The following RAB40B variants were observed in gnomAD, a reference collection of about 807,000 sequenced individuals.
The protein encoded by RAB40B is ras-related protein Rab-40B.
Under a neutral mutation model 24.0 loss-of-function variants are expected in RAB40B, and 21 were observed. The observed-to-expected ratio is 0.88, with a 90% confidence interval of 0.62 to 1.26. The LOEUF is 1.26. RAB40B is among the 50% of genes most tolerant of loss of function. The probability of loss-of-function intolerance (pLI) is 0.00; values close to 1 mark genes in which losing one functional copy is unlikely to be tolerated. For missense variants in RAB40B, 348 were observed against 390.5 expected (o/e 0.89, Z 0.92); for synonymous variants, 167 against 169.8 (o/e 0.98, Z 0.13).
At position 82,667,268 on chromosome 17, in the gene RAB40B, G is replaced by A. The variant is rs547846011; in HGVS notation, c.143-2712C>T. Among the ~76,000 whole-genome samples, 115 of 152,366 alleles carry A rather than the reference G, an allele frequency of 7.5e-4. No homozygotes were observed. The highest frequency in any genetic ancestry group is 2.7e-3 in the African/African-American group (111 of 41,592). On this transcript the variant is annotated intron_variant, in intron 1 of 5. Coordinates refer to ENST00000571995, the MANE Select transcript of RAB40B (RefSeq NM_006822.3). This position sits in a 1 kb window ranked among gnomAD's most constrained non-coding sequence, Gnocchi z 4.3. ...TTCCTGGTCTCCTGTCGGGCAGAGC[G>A]AGGTGTGCAGTGGCGGTGCCACCGG... is the stretch of plus-strand genomic sequence containing the variant.
intron 1 of RAB40B, among the ~76,000 whole-genome samples, chr17:82,684,552 GGTGGGTGATGGACT>G (rs1292934146): frequency 1.3e-5 from 2 of 152,160 alleles, no homozygotes; most frequent in African/African-American, 4.8e-5. Flanking sequence ...TCAGAGGGTG[GGTGGGTGATGGACT>G]GTGGTTCATC....
At position 82,670,359 on chromosome 17, in the gene RAB40B, A is replaced by G. The variant is rs184384718; in HGVS notation, c.143-5803T>C. On this transcript the variant is annotated intron_variant, in intron 1 of 5. Coordinates refer to ENST00000571995, the MANE Select transcript of RAB40B (RefSeq NM_006822.3). ...GCCAGCAAGCCAAGCTAATTTGTGTACTTTTAGTAGACACGGGGTTTTACC... is the reference window on the plus strand; with the variant it reads ...GCCAGCAAGCCAAGCTAATTTGTGTGCTTTTAGTAGACACGGGGTTTTACC... Among the ~76,000 whole-genome samples the G allele has an allele frequency of 9.2e-3, 1,394 of 151,716 alleles. 9 individuals carry two copies. Among genetic ancestry groups the G allele is most frequent in the Middle Eastern group, 0.02 (6 of 294 alleles).
chr17:82,668,695 G>T (rs558682136), intron 1 of RAB40B, among the ~76,000 whole-genome samples: 2 of 152,242 alleles, frequency 1.3e-5, no homozygotes, highest in African/African-American at 4.8e-5. Context: ...GGCATTTGGA[G>T]CAGGCACTTC....
intron 1 of RAB40B, among the ~76,000 whole-genome samples, chr17:82,669,332 G>A (rs932223782): frequency 5.3e-5 from 8 of 152,060 alleles, no homozygotes; most frequent in Admixed American, 1.3e-4. Flanking sequence ...GAAATTAGCC[G>A]GGCGTGGTGG....
At chr17:82,669,344 G>C (rs540718485) in intron 1 of RAB40B, among the ~76,000 whole-genome samples, 3 of 152,086 alleles carry the variant, frequency 2.0e-5, no homozygotes, top group East Asian at 1.9e-4. Context: ...GCGTGGTGGC[G>C]GGTGCCTGTA....
chr17:82,685,971 T>G (rs1254341931), intron 1 of RAB40B, among the ~76,000 whole-genome samples: 1 of 151,950 alleles, frequency 6.6e-6, no homozygotes, highest in Non-Finnish European at 1.5e-5. Context: ...ACCCAGCTAA[T>G]TTTTGTATTT....
At chr17:82,668,545 C>T (rs768900432) in intron 1 of RAB40B, among the ~76,000 whole-genome samples, 4 of 152,268 alleles carry the variant, frequency 2.6e-5, no homozygotes, top group Non-Finnish European at 2.9e-5. Flanking sequence ...CGCCCAGTCC[C>T]GAGGGGGCTG....
At chr17:82,689,304 G>A (rs541269674) in intron 1 of RAB40B, among the ~76,000 whole-genome samples, 18 of 152,256 alleles carry the variant, frequency 1.2e-4, no homozygotes, top group Non-Finnish European at 2.9e-5. Flanking sequence ...CTGCACCACG[G>A]TGGTGCCTGG....
At chr17:82,680,859 G>A (rs750230119) in intron 1 of RAB40B, among the ~76,000 whole-genome samples, 26 of 151,752 alleles carry the variant, frequency 1.7e-4, no homozygotes, top group Admixed American at 4.6e-4. Flanking sequence ...GTGAAACCCC[G>A]TCTCTACTAA....
chr17:82,661,034 G>C lies in RAB40B; in HGVS notation c.217C>G (p.Gln73Glu). ...CGGAATATGGTACAAAATCTTCCCTGGCCTGAAGTATCCCTGGAAAAGATG... is the reference window on the plus strand; with the variant it reads ...CGGAATATGGTACAAAATCTTCCCTCGCCTGAAGTATCCCTGGAAAAGATG... ...VKLQLWDTSG[Q>E]GRFCTIFRSY... Residue 73 changes from glutamine (Q) to glutamate (E), a missense_variant, in exon 3 of 6, where the codon CAG (glutamine) becomes GAG (glutamate). Physicochemically the swap from Gln to Glu is conservative, Grantham distance 29 (BLOSUM62 2). This residue lies in a region of RAB40B where 126 missense variants were observed against 181.0 expected (regional missense o/e 0.70). Coordinates refer to ENST00000571995, the MANE Select transcript of RAB40B (RefSeq NM_006822.3). 6.2e-7 allele frequency: 1 copy of C among 1,613,972 alleles called. No individual in the cohort carries two copies. Among genetic ancestry groups the C allele is most frequent in the Non-Finnish European group, 8.5e-7 (1 of 1,179,950 alleles).
intron 1 of RAB40B, among the ~76,000 whole-genome samples, chr17:82,686,595 G>T (rs2046504630): frequency 1.3e-5 from 2 of 152,182 alleles, no homozygotes; most frequent in Admixed American, 1.3e-4. Context: ...ACAGAACGCC[G>T]AGGGCTGCCA....
chr17:82,695,128 G>A (rs2046595257), intron 1 of RAB40B, among the ~76,000 whole-genome samples: 1 of 151,466 alleles, frequency 6.6e-6, no homozygotes, highest in Non-Finnish European at 1.5e-5. Context: ...CAAAACTCAG[G>A]AGGAATTGGG....
At chr17:82,662,650 G>A (rs1598296026) in intron 2 of RAB40B, 1 of 985,434 alleles carries the variant, frequency 1.0e-6, no homozygotes, top group East Asian at 1.1e-4. Flanking sequence ...AGTGTGGACA[G>A]AGCTGGCACC....
At chr17:82,694,552 CACACACAT>C (rs2046589446) in intron 1 of RAB40B, among the ~76,000 whole-genome samples, 1 of 143,092 alleles carries the variant, frequency 7.0e-6, no homozygotes, top group African/African-American at 2.7e-5. Flanking sequence ...AATACATACA[CACACACAT>C]ACACACACAC....
intron 4 of RAB40B, 193 bp downstream of exon 4, chr17:82,659,386 AT>A (rs1037596733): frequency 2.8e-4 from 161 of 583,150 alleles, no homozygotes; most frequent in Middle Eastern, 9.1e-4. Context: ...AGCTTTCGTG[AT>A]TGTAGCTATC....
At chr17:82,659,421 G>T in intron 4 of RAB40B, 159 bp downstream of exon 4, 1 of 645,756 alleles carries the variant, frequency 1.5e-6, no homozygotes, top group South Asian at 1.8e-5. Context: ...CCAGTGTTGT[G>T]CCGAGGTGAG....
At chr17:82,686,037 C>T (rs1016677821) in intron 1 of RAB40B, among the ~76,000 whole-genome samples, 6 of 151,278 alleles carry the variant, frequency 4.0e-5, no homozygotes, top group African/African-American at 1.2e-4. Flanking sequence ...CTGCTGAACT[C>T]GTGATCTGCC....
intron 1 of RAB40B, among the ~76,000 whole-genome samples, chr17:82,689,067 T>A (rs2046530165): frequency 6.6e-6 from 1 of 152,262 alleles, no homozygotes; most frequent in Non-Finnish European, 1.5e-5. Context: ...ATCCTGGGAA[T>A]AAAGTTTAAA....
intron 2 of RAB40B, chr17:82,662,426 C>T: frequency 2.0e-6 from 2 of 985,450 alleles, no homozygotes; most frequent in Non-Finnish European, 2.4e-6. Context: ...AGTGGGAGCA[C>T]TCCCTCCTCA....
Sources: allele counts gnomAD v4.1 joint callset (sites outside exome capture counted in the v4.1 genomes callset), GRCh38; gene constraint gnomAD v4.1.1; regional missense constraint gnomAD v4.1.1; non-coding constraint Gnocchi (gnomAD v3.1); transcripts MANE v1.5; gene names NCBI Gene and HGNC (gene_info 2026-07-23, HGNC 2026-07-21).